Variants in SMIM14 observed in about 807,000 individuals in gnomAD.
The protein encoded by SMIM14 is small integral membrane protein 14.
In SMIM14, 5 loss-of-function variants were observed where a neutral mutation model predicts 12.6. That is an observed-to-expected ratio of 0.40 (90% CI 0.21 to 0.83). The LOEUF is 0.83. Ranked by LOEUF, SMIM14 falls within the 40% of genes least tolerant of loss-of-function variation. SMIM14 has a pLI of 0.37. For missense variants in SMIM14, 86 were observed against 119.1 expected (o/e 0.72, Z 1.29); for synonymous variants, 30 against 40.1 (o/e 0.75, Z 0.95).
At chr4:39,627,713 G>T (rs900156572) in intron 1 of SMIM14, among the ~76,000 whole-genome samples, 1 of 152,070 alleles carries the variant, frequency 6.6e-6, no homozygotes, top group African/African-American at 2.4e-5. Flanking sequence ...GCATAAAAGG[G>T]AAAGAAAAGA....
rs574426012 is a variant in SMIM14, at chr4:39,634,163, G to A, written c.-36+4576C>T. On this transcript the variant is annotated intron_variant, in intron 1 of 4. Transcript: ENST00000295958. ...AGGATGGTCTCAATCTCTCGACCTC[G>A]TGATCCACCGGCCTCGGCTTCCCAA... Among the ~76,000 whole-genome samples the A allele has an allele frequency of 3.3e-5, 5 of 152,246 alleles. No individual in the cohort carries two copies. In the East Asian group the frequency reaches 7.7e-4, roughly 24 times the overall value.
At chr4:39,603,626 T>C (rs139255457) in intron 2 of SMIM14, among the ~76,000 whole-genome samples, 1,934 of 152,214 alleles carry the variant, frequency 0.013, 28 homozygotes, top group South Asian at 0.022. Flanking sequence ...GTATTTAAGC[T>C]TATAGACTCA....
chr4:39,556,395 AC>A, intron 4 of SMIM14, 32 bp downstream of exon 4: 1 of 1,594,860 alleles, frequency 6.3e-7, no homozygotes, highest in Non-Finnish European at 8.5e-7. Context: ...ACATTCCCTT[AC>A]CCAAAAAGCA....
At chr4:39,610,912 A>G (rs1715008630) in intron 1 of SMIM14, among the ~76,000 whole-genome samples, 2 of 152,144 alleles carry the variant, frequency 1.3e-5, no homozygotes, top group South Asian at 4.1e-4. Context: ...CATATAGAAT[A>G]TAAGTCCAAG....
chr4:39,571,711 G>A (rs1324709472), intron 3 of SMIM14, among the ~76,000 whole-genome samples: 1 of 152,138 alleles, frequency 6.6e-6, no homozygotes, highest in East Asian at 1.9e-4. Flanking sequence ...CCTGCCCACA[G>A]TGCCCTGTTA....
rs886538005 is a variant in SMIM14 at position 39,549,527 on chromosome 4, G to A, written c.*2599C>T. 6.6e-6 allele frequency: 1 copy of A among 152,170 alleles called. No individual in the cohort carries two copies. Among genetic ancestry groups the A allele is most frequent in the African/African-American group, 2.4e-5 (1 of 41,436 alleles). The allele number at this position is 152,170 out of a possible 1,614,324, so 9.4% of individuals were successfully genotyped here. On this transcript the variant is annotated 3_prime_UTR_variant, in exon 5 of 5. Coordinates refer to ENST00000295958, the MANE Select transcript of SMIM14 (RefSeq NM_174921.3). ...GACCTCAAGTGATCCACCTGCCCCAGCCTCCCAAAGTGCTGGGATTACAGG... is the reference window on the plus strand; with the variant it reads ...GACCTCAAGTGATCCACCTGCCCCAACCTCCCAAAGTGCTGGGATTACAGG...
intron 3 of SMIM14, among the ~76,000 whole-genome samples, chr4:39,565,539 G>C (rs1712527904): frequency 6.6e-6 from 1 of 152,090 alleles, no homozygotes; most frequent in African/African-American, 2.4e-5. Context: ...GCCTATGCTG[G>C]TCTTGAACTC....
chr4:39,578,382 CTT>C (rs1260222389), intron 2 of SMIM14, among the ~76,000 whole-genome samples: 1 of 152,136 alleles, frequency 6.6e-6, no homozygotes, highest in African/African-American at 2.4e-5. Flanking sequence ...TCAATTTTCT[CTT>C]GACTTACTTG....
chr4:39,599,508 C>T (rs1473832341), intron 2 of SMIM14, among the ~76,000 whole-genome samples: 1 of 151,988 alleles, frequency 6.6e-6, no homozygotes, highest in Non-Finnish European at 1.5e-5. Context: ...ATGCAGCAAT[C>T]CAGGCAAGAG....
intron 2 of SMIM14, chr4:39,594,215 A>G (rs894288761): frequency 2.6e-5 from 4 of 152,256 alleles, no homozygotes; most frequent in African/African-American, 9.6e-5. Flanking sequence ...ATATAGATCA[A>G]TGGAACAGAA....
At chr4:39,600,675 A>G (rs1219312453) in intron 2 of SMIM14, among the ~76,000 whole-genome samples, 1 of 150,044 alleles carries the variant, frequency 6.7e-6, no homozygotes, top group Admixed American at 6.6e-5. Context: ...GGGCAACAAG[A>G]GCGAAACTCC....
intron 1 of SMIM14, among the ~76,000 whole-genome samples, chr4:39,637,735 G>A (rs569610315): frequency 6.6e-6 from 1 of 152,324 alleles, no homozygotes; most frequent in Non-Finnish European, 1.5e-5. Context: ...GGAAGGGAAT[G>A]CAAAGCCTCC....
chr4:39,611,622 C>T (rs760175985), intron 1 of SMIM14, among the ~76,000 whole-genome samples: 3 of 151,754 alleles, frequency 2.0e-5, no homozygotes, highest in Non-Finnish European at 2.9e-5. Context: ...TATAGTGAGC[C>T]GAGATTGCCC....
intron 1 of SMIM14, among the ~76,000 whole-genome samples, chr4:39,618,322 G>C (rs1715297704): frequency 6.6e-6 from 1 of 152,126 alleles, no homozygotes; most frequent in Admixed American, 6.5e-5. Context: ...AAAACGATGA[G>C]CAAGATGTGA....
intron 1 of SMIM14, among the ~76,000 whole-genome samples, chr4:39,628,786 G>A (rs1391817974): frequency 6.8e-6 from 1 of 146,348 alleles, no homozygotes; most frequent in African/African-American, 2.5e-5. Context: ...AGGCTGGAGT[G>A]CAGCAGCACA....
At chr4:39,590,996 C>A (rs1319098684) in intron 2 of SMIM14, among the ~76,000 whole-genome samples, 3 of 151,978 alleles carry the variant, frequency 2.0e-5, no homozygotes. Context: ...ACAGTTGTCC[C>A]TTGGTATCTG....
chr4:39,596,985 A>T (rs889424757), intron 2 of SMIM14, among the ~76,000 whole-genome samples: 1 of 151,694 alleles, frequency 6.6e-6, no homozygotes, highest in Non-Finnish European at 1.5e-5. Flanking sequence ...CGTATTGCCC[A>T]GGCTGGTCTT....
At chr4:39,584,593 C>A in intron 2 of SMIM14, among the ~76,000 whole-genome samples, 1 of 147,692 alleles carries the variant, frequency 6.8e-6, no homozygotes, top group Non-Finnish European at 1.5e-5. Context: ...CCCAGGAGTT[C>A]AAGACCAGCC....
At chr4:39,631,475 G>A (rs1033437128) in intron 1 of SMIM14, among the ~76,000 whole-genome samples, 3 of 149,444 alleles carry the variant, frequency 2.0e-5, no homozygotes, top group Non-Finnish European at 3.0e-5. Context: ...TGGCTAACAT[G>A]GTGAAACTCC....
Sources: gnomAD v4.1 joint callset for allele counts (sites outside exome capture counted in the v4.1 genomes callset) on GRCh38, gnomAD v4.1.1 for gene constraint, MANE v1.5 for transcripts, NCBI Gene and HGNC (gene_info 2026-07-23, HGNC 2026-07-21) for gene names.